SP100: variants seen among roughly 807,000 people sequenced by gnomAD.
The protein encoded by SP100 is SP100 nuclear body protein.
SP100 carries 84 observed loss-of-function variants against 130.0 expected under a neutral mutation model. The ratio of observed to expected loss-of-function variants is 0.65; its 90% confidence interval spans 0.54 to 0.77. The LOEUF is 0.77. SP100 is among the 30% of genes least tolerant of loss of function. SP100 has a pLI of 0.00. For synonymous variants in SP100, 331 were observed against 351.7 expected, an observed-to-expected ratio of 0.94 and a Z score of 0.66; for missense variants, 978 against 1,052.2, an observed-to-expected ratio of 0.93 and a Z score of 0.97.
At chr2:230,482,313 G>T (rs977442626) in intron 17 of SP100, among the ~76,000 whole-genome samples, 3 of 152,040 alleles carry the variant, frequency 2.0e-5, no homozygotes, top group Non-Finnish European at 4.4e-5. Flanking sequence ...TCCTAAGATG[G>T]GCAGCCTGAG....
chr2:230,490,941 AT>A (rs973696867), intron 17 of SP100, among the ~76,000 whole-genome samples: 1 of 151,696 alleles, frequency 6.6e-6, no homozygotes, highest in Non-Finnish European at 1.5e-5. Context: ...GAATCTGATG[AT>A]TATGTGTCTT....
chr2:230,465,349 C>T (rs1023642044), intron 11 of SP100, among the ~76,000 whole-genome samples: 6 of 150,968 alleles, frequency 4.0e-5, no homozygotes, highest in African/African-American at 7.3e-5. Context: ...CAGTGAGTTA[C>T]GATTGTGCCA....
At chr2:230,466,112 G>C (rs887139702) in intron 11 of SP100, among the ~76,000 whole-genome samples, 189 bp from the exon 12 acceptor site, 1 of 143,964 alleles carries the variant, frequency 6.9e-6, no homozygotes, top group Admixed American at 7.3e-5. Flanking sequence ...TGGAACCTGG[G>C]AGGCAGAAGC....
In SP100 at chr2:230,544,069, T is replaced by TAAATGGTGC. The variant is rs937094691; in HGVS notation, c.*1124_*1132dup. ...AATGGGAAAAAGACTCCCTATTTTA[T>TAAATGGTGC]AAATGGTGCTGGGATAACTGGGATA... is the stretch of plus-strand genomic sequence containing the variant. On this transcript the variant is annotated 3_prime_UTR_variant, in exon 29 of 29. Coordinates refer to ENST00000340126, the MANE Select transcript of SP100 (RefSeq NM_001080391.2). The TAAATGGTGC allele has an allele frequency of 5.3e-5, 8 of 152,308 alleles. No individual in the cohort carries two copies. The highest frequency in any genetic ancestry group is 1.7e-4 in the African/African-American group (7 of 41,558). The allele number at this position is 152,308 out of a possible 1,614,324, so 9.4% of individuals were successfully genotyped here. A position where few individuals can be genotyped will look rare whatever the true frequency, so the allele number is the denominator to read the frequency against.
intron 2 of SP100, among the ~76,000 whole-genome samples, chr2:230,426,167 T>C (rs1197607052): frequency 6.6e-6 from 1 of 152,108 alleles, no homozygotes; most frequent in South Asian, 2.1e-4. Context: ...AGTGAAAGAG[T>C]TGCTAATTTT....
chr2:230,481,033 G>A (rs1482449950), intron 17 of SP100, among the ~76,000 whole-genome samples: 1 of 150,788 alleles, frequency 6.6e-6, no homozygotes, highest in African/African-American at 2.4e-5. Flanking sequence ...ATTGGTGGTG[G>A]TGGTGGTGGT....
intron 14 of SP100, chr2:230,469,643 G>C (rs2149990854): frequency 1.5e-6 from 1 of 670,854 alleles, no homozygotes; most frequent in East Asian, 6.4e-5. Context: ...AGACAGAATA[G>C]GGTAGGAAAA....
intron 18 of SP100, 34 bp from the exon 19 acceptor site, chr2:230,498,427 C>A: frequency 1.5e-6 from 2 of 1,326,892 alleles, no homozygotes; most frequent in Non-Finnish European, 2.1e-6. Flanking sequence ...GAGTTTTTTA[C>A]ACCATCCATA....
chr2:230,448,454 G>A (rs952407779), intron 5 of SP100, among the ~76,000 whole-genome samples: 4 of 152,088 alleles, frequency 2.6e-5, no homozygotes, highest in Admixed American at 6.5e-5. Flanking sequence ...CACAAATGGA[G>A]TTTACATAGG....
intron 24 of SP100, among the ~76,000 whole-genome samples, chr2:230,535,195 C>CAAA (rs59108942): frequency 6.9e-6 from 1 of 145,870 alleles, no homozygotes; most frequent in South Asian, 2.2e-4. Flanking sequence ...GACTCCATCT[C>CAAA]AAAAAAAAAA....
intron 1 of SP100, among the ~76,000 whole-genome samples, chr2:230,416,595 C>A (rs749290817): frequency 2.0e-5 from 3 of 152,182 alleles, no homozygotes; most frequent in Admixed American, 2.0e-4. Flanking sequence ...CCGGGACACT[C>A]TAAACATAGC....
At chr2:230,465,843 C>T (rs146807135) in intron 11 of SP100, among the ~76,000 whole-genome samples, 109 of 152,122 alleles carry the variant, frequency 7.2e-4, no homozygotes, top group Non-Finnish European at 1.4e-3. Context: ...GACCCTGAAC[C>T]TCCAGAACTG....
intron 15 of SP100, among the ~76,000 whole-genome samples, chr2:230,472,651 A>T (rs7595324): frequency 6.6e-6 from 1 of 152,160 alleles, no homozygotes; most frequent in African/African-American, 2.4e-5. Context: ...GAATTAAAAG[A>T]TGAGAGAAAA....
chr2:230,520,642 C>T (rs962594613), intron 24 of SP100: 1 of 152,180 alleles, frequency 6.6e-6, no homozygotes, highest in African/African-American at 2.4e-5. Flanking sequence ...AAAATTCTGC[C>T]AACTACACCG....
chr2:230,505,502 C>G (rs1361760355), intron 21 of SP100, among the ~76,000 whole-genome samples: 1 of 152,210 alleles, frequency 6.6e-6, no homozygotes, highest in Non-Finnish European at 1.5e-5. Context: ...CTCGGTCTCT[C>G]TAACCTTGAA....
intron 26 of SP100, 86 bp from the exon 27 acceptor site, chr2:230,541,215 G>T (rs779528861): frequency 2.5e-5 from 33 of 1,330,560 alleles, no homozygotes; most frequent in Non-Finnish European, 3.2e-5. Context: ...CCACAGGTTT[G>T]GGAGTCGTGT....
chr2:230,422,270 G>A (rs2062789381), intron 2 of SP100, among the ~76,000 whole-genome samples: 1 of 152,088 alleles, frequency 6.6e-6, no homozygotes, highest in South Asian at 2.1e-4. Flanking sequence ...TGTTTTAAGT[G>A]TTAGTTCCTT....
intron 13 of SP100, chr2:230,468,822 A>G (rs11695606): frequency 5.7e-3 from 740 of 129,238 alleles, no homozygotes; most frequent in East Asian, 0.015. Flanking sequence ...TGTCTCAAAA[A>G]AAAAAAAAAA....
At position 230,450,258 on chromosome 2, in the gene SP100, AAT is replaced by A; in HGVS notation, c.820+4_820+5del. On this transcript the variant is annotated splice_donor_5th_base_variant and intron_variant, in intron 8 of 28. Transcript: ENST00000340126. ...CCCGTTGCCCTGTGATGAAGAAAGT[AAT>A]TATTGCTTACCTTGCCTATTTTCTT... 6.2e-7 allele frequency: 1 copy of A among 1,605,618 alleles called. No individual in the cohort carries two copies.
Sources: gnomAD v4.1 joint callset for allele counts (sites outside exome capture counted in the v4.1 genomes callset) on GRCh38, gnomAD v4.1.1 for gene constraint, MANE v1.5 for transcripts, NCBI Gene and HGNC (gene_info 2026-07-23, HGNC 2026-07-21) for gene names.